The following DPYD variants were observed in gnomAD, a reference collection of about 807,000 sequenced individuals.
DPYD encodes the protein dihydropyrimidine dehydrogenase.
Under a neutral mutation model 116.2 loss-of-function variants are expected in DPYD, and 109 were observed. The observed-to-expected ratio is 0.94, with a 90% CI of 0.80 to 1.10. DPYD has a LOEUF of 1.10. Among genes scored for constraint, DPYD ranks in the 50% least tolerant of loss-of-function variants. DPYD has a pLI of 0.00. For missense variants in DPYD, 1,302 were observed against 1,254.5 expected, an observed-to-expected ratio of 1.04 and a Z score of -0.57; for synonymous variants, 440 against 432.0, an observed-to-expected ratio of 1.02 and a Z score of -0.23.
chr1:97,215,064 A>C (rs1181789748), intron 19 of DPYD, among the ~76,000 whole-genome samples: 1 of 152,258 alleles, frequency 6.6e-6, no homozygotes, highest in East Asian at 1.9e-4. Flanking sequence ...ATGATGGCTG[A>C]TGATGATAAT....
chr1:97,629,955 C>A (rs1168853544), intron 8 of DPYD, among the ~76,000 whole-genome samples: 1 of 151,954 alleles, frequency 6.6e-6, no homozygotes, highest in Non-Finnish European at 1.5e-5. Flanking sequence ...TAAATAGAAT[C>A]ATAAAGTATG....
chr1:97,105,158 C>G (rs1305997168), intron 20 of DPYD, among the ~76,000 whole-genome samples: 1 of 151,922 alleles, frequency 6.6e-6, no homozygotes, highest in Non-Finnish European at 1.5e-5. Flanking sequence ...AGAAATACCT[C>G]TAGGTTGGGA....
In DPYD at chr1:97,549,742, T is replaced by C. The variant is rs887828758; in HGVS notation, c.1342A>G (p.Lys448Glu). 6.2e-7 allele frequency: 1 copy of C among 1,613,334 alleles called. No homozygotes were observed. ...AATTTTATAGGGCTCAAGGCTTCTT[T>C]TACTGAAAAAACAAGTGAAAAACAA... ...FGSVLSDPKV[K>E]EALSPIKFNR... Residue 448 changes from lysine to glutamate, a missense_variant and splice_region_variant, in exon 12 of 23, where the codon AAA (lysine) becomes GAA (glutamate). Coordinates refer to ENST00000370192, the MANE Select transcript of DPYD (RefSeq NM_000110.4).
chr1:97,123,484 A>T (rs1280758480), intron 20 of DPYD, among the ~76,000 whole-genome samples: 1 of 152,118 alleles, frequency 6.6e-6, no homozygotes, highest in Non-Finnish European at 1.5e-5. Flanking sequence ...CAGAGGACTC[A>T]CTTACTTTTG....
intron 13 of DPYD, among the ~76,000 whole-genome samples, chr1:97,510,119 A>C (rs885086): frequency 0.65 from 98,482 of 150,480 alleles, 32,293 homozygotes; most frequent in East Asian, 0.75. Context: ...ACAACAACAA[A>C]AAAAAAAAAA....
intron 1 of DPYD, among the ~76,000 whole-genome samples, chr1:97,906,033 C>T (rs1571563840): frequency 6.6e-6 from 1 of 151,970 alleles, no homozygotes; most frequent in Non-Finnish European, 1.5e-5. Context: ...AAAAAAAATG[C>T]TCTGAGTGCA....
chr1:97,289,491 G>C (rs1665979870), intron 18 of DPYD, among the ~76,000 whole-genome samples: 1 of 151,686 alleles, frequency 6.6e-6, no homozygotes, highest in South Asian at 2.1e-4. Context: ...TATCCACCAT[G>C]ATCAAGTGGG....
At chr1:97,808,486 G>T (rs1055839723) in intron 3 of DPYD, among the ~76,000 whole-genome samples, 2 of 152,012 alleles carry the variant, frequency 1.3e-5, no homozygotes, top group Non-Finnish European at 2.9e-5. Context: ...TATTAGTAAG[G>T]AACTAATAAT....
At chr1:97,330,945 A>G (rs964714115) in intron 16 of DPYD, among the ~76,000 whole-genome samples, 1 of 152,242 alleles carries the variant, frequency 6.6e-6, no homozygotes, top group Non-Finnish European at 1.5e-5. Context: ...CTGAATATTA[A>G]TTCTTGACTA....
rs557827760 is a variant in DPYD, at chr1:97,452,001, G to A, written c.1741-1778C>T. Among the ~76,000 whole-genome samples, 65 of 152,260 alleles carry A rather than the reference G, an allele frequency of 4.3e-4. 1 individual carries two copies. The South Asian group carries it at 0.013, about 31-fold the overall frequency. On this transcript the variant is annotated intron_variant, in intron 13 of 22. Coordinates refer to ENST00000370192, the MANE Select transcript of DPYD (RefSeq NM_000110.4). ...TCACCAAGTCAAGTGCCCTGGTACT[G>A]TGTTGGTGAGCAAATAATGGGGCAT...
intron 18 of DPYD, among the ~76,000 whole-genome samples, chr1:97,285,694 T>C (rs1307061398): frequency 2.6e-5 from 4 of 151,316 alleles, no homozygotes; most frequent in African/African-American, 4.8e-5. Flanking sequence ...TTTTTTTTTT[T>C]TTTTTTTGAG....
At chr1:97,476,679 C>T (rs868862177) in intron 13 of DPYD, among the ~76,000 whole-genome samples, 42 of 151,770 alleles carry the variant, frequency 2.8e-4, no homozygotes, top group African/African-American at 8.7e-4. Flanking sequence ...AGTCATAGAA[C>T]GTATAAAGAT....
chr1:97,660,345 A>G (rs899495595), intron 8 of DPYD, among the ~76,000 whole-genome samples: 3 of 152,158 alleles, frequency 2.0e-5, no homozygotes, highest in Admixed American at 2.0e-4. Flanking sequence ...AGTACAAAAT[A>G]TATTACTTTT....
chr1:97,293,312 C>G (rs570503526), intron 18 of DPYD, among the ~76,000 whole-genome samples: 1 of 152,208 alleles, frequency 6.6e-6, no homozygotes, highest in South Asian at 2.1e-4. Flanking sequence ...TAAATTAATA[C>G]AGAATGAGCA....
At chr1:97,477,158 A>T (rs1453356009) in intron 13 of DPYD, among the ~76,000 whole-genome samples, 1 of 152,234 alleles carries the variant, frequency 6.6e-6, no homozygotes, top group Non-Finnish European at 1.5e-5. Context: ...TCTGTGTAAC[A>T]TGCAATGCTA....
chr1:97,407,108 C>T (rs1400595816), intron 14 of DPYD, among the ~76,000 whole-genome samples: 2 of 151,880 alleles, frequency 1.3e-5, no homozygotes, highest in Non-Finnish European at 1.5e-5. Flanking sequence ...TAATAAACTA[C>T]CTTTCTAAAT....
intron 1 of DPYD, chr1:97,883,918 T>C (rs1437856619): frequency 4.5e-6 from 2 of 443,266 alleles, no homozygotes; most frequent in African/African-American, 2.1e-5. Context: ...AGGAATCCTA[T>C]ATTTGGTTTT....
intron 20 of DPYD, among the ~76,000 whole-genome samples, chr1:97,170,067 G>C (rs1397970185): frequency 1.3e-5 from 2 of 152,180 alleles, no homozygotes; most frequent in African/African-American, 4.8e-5. Context: ...AAATATGCAG[G>C]CATACATACA....
At chr1:97,644,747 C>T (rs1016339832) in intron 8 of DPYD, among the ~76,000 whole-genome samples, 25 of 151,986 alleles carry the variant, frequency 1.6e-4, no homozygotes, top group Admixed American at 4.6e-4. Context: ...CATGAGCCAC[C>T]GCACCTGGCC....
Sources: allele counts gnomAD v4.1 joint callset (sites outside exome capture counted in the v4.1 genomes callset), GRCh38; gene constraint gnomAD v4.1.1; transcripts MANE v1.5; gene names NCBI Gene and HGNC (gene_info 2026-07-23, HGNC 2026-07-21).